Variants in COL20A1 observed in about 807,000 individuals in gnomAD.
COL20A1 encodes collagen type XX alpha 1 chain.
COL20A1 carries 164 observed loss-of-function variants against 152.9 expected under a neutral mutation model. The observed-to-expected ratio is 1.07, with a 90% CI of 0.94 to 1.22. COL20A1 has a LOEUF of 1.22. Among genes scored for constraint, COL20A1 ranks in the 50% most tolerant of loss-of-function variants. The probability of loss-of-function intolerance (pLI) is 0.00; values close to 1 mark genes in which losing one functional copy is unlikely to be tolerated. For synonymous variants in COL20A1, 864 were observed against 756.0 expected (o/e 1.14, Z -2.34); for missense variants, 1,873 against 1,744.8 (o/e 1.07, Z -1.31).
chr20:63,322,606 C>T (rs1253918068), intron 27 of COL20A1, among the ~76,000 whole-genome samples: 2 of 152,212 alleles, frequency 1.3e-5, no homozygotes, highest in East Asian at 1.9e-4. Context: ...TCTGGTTCTG[C>T]GGAGAGGGAT....
At chr20:63,297,223 C>G (rs1317829054) in intron 2 of COL20A1, among the ~76,000 whole-genome samples, 5 of 152,182 alleles carry the variant, frequency 3.3e-5, no homozygotes, top group Non-Finnish European at 7.4e-5. Context: ...GGCCACTTGT[C>G]CTGGGGACCC....
Position 63,328,457 on chromosome 20 carries a change from C to T in COL20A1, c.3740C>T (p.Pro1247Leu), listed in dbSNP as rs1414539320. 3 of 1,612,432 alleles carry T rather than the reference C, an allele frequency of 1.9e-6. No homozygotes were observed. The highest frequency in any genetic ancestry group is 2.5e-6 in the Non-Finnish European group (3 of 1,179,720). The change falls in exon 34 of 36, where the codon CCT (proline) becomes CTT (leucine). Residue 1247 changes from proline (P) to leucine (L), a missense_variant. Pro to Leu is a moderately conservative substitution (Grantham distance 98). Transcript: ENST00000358894. ...SPGTRSKALV[P>L]GEWGRGGRHL... Reference sequence around the variant, plus strand: ...GGCACCCGCAGCAAGGCCCTGGTTCCTGGAGAATGGGGGCGTGGTGGCCGC... The same window carrying T: ...GGCACCCGCAGCAAGGCCCTGGTTCTTGGAGAATGGGGGCGTGGTGGCCGC...
In COL20A1 at chr20:63,311,728, G is replaced by A. The variant is rs535669644; in HGVS notation, c.1643G>A (p.Arg548Gln). The A allele has an allele frequency of 4.2e-5, 67 of 1,596,140 alleles. 1 individual carries two copies. Among genetic ancestry groups the A allele is most frequent in the Non-Finnish European group, 4.8e-5 (57 of 1,175,544 alleles). ...SLRGPEGSEA[R>Q]GIRARTPTLA... ...CGAGGCCCTGAGGGCAGCGAGGCCC[G>A]GGGCATCCGTGCCAGGACCCGTGAG... The change falls in exon 13 of 36, where the codon CGG (arginine) becomes CAG (glutamine). Residue 548 changes from arginine to glutamine, a missense_variant. Arg to Gln is a conservative substitution (Grantham distance 43, BLOSUM62 1). Transcript: ENST00000358894. The surrounding 1 kb of genome is among the most constrained non-coding windows in gnomAD (Gnocchi z 4.4).
chr20:63,312,543 A>G lies in COL20A1; in HGVS notation c.1927A>G (p.Thr643Ala). ...CTCCTCTACGCTGACTGGCCGGGTG[A>G]CCACCAGTGAGTGGGGAGAGGCTGG... Reference protein sequence around the residue: ...GGSSTLTGRVTTKKAPSPSQL... With the variant: ...GGSSTLTGRVATKKAPSPSQL... The change falls in exon 15 of 36, where the codon ACC (threonine) becomes GCC (alanine). Residue 643 changes from threonine (T) to alanine (A), a missense_variant. Coordinates refer to ENST00000358894, the MANE Select transcript of COL20A1 (RefSeq NM_020882.4). The G allele has an allele frequency of 6.3e-7, 1 of 1,581,532 alleles. No individual in the cohort carries two copies. Among genetic ancestry groups the G allele is most frequent in the Non-Finnish European group, 8.6e-7 (1 of 1,167,682 alleles).
At position 63,319,393 on chromosome 20, in the gene COL20A1, G is replaced by T. The variant is rs2068127329; in HGVS notation, c.2807-94G>T. On this transcript the variant is annotated intron_variant, in intron 22 of 35. Coordinates refer to ENST00000358894, the MANE Select transcript of COL20A1 (RefSeq NM_020882.4). This position sits in a 1 kb window ranked among gnomAD's most constrained non-coding sequence, Gnocchi z 4.4. ...TCACCTCCAGCTTGGCACCCTCAGGGCTGCTCCTGTCCTGTCGTGGGGGCC... is the reference window on the plus strand; with the variant it reads ...TCACCTCCAGCTTGGCACCCTCAGGTCTGCTCCTGTCCTGTCGTGGGGGCC... 8.8e-7 allele frequency: 1 copy of T among 1,140,878 alleles called. No individual in the cohort carries two copies. The allele number at this position is 1,140,878 out of a possible 1,614,324, so 70.7% of individuals were successfully genotyped here.
At position 63,319,488 on chromosome 20, in the gene COL20A1, C is replaced by T. The variant is rs376469990; in HGVS notation, c.2808C>T (p.Ala936=). ...FQPLLGVLLD[A]GKKSLTYFHR... ...CCTGCTCCACCCCTTCCCTGGCAGC[C>T]GGGAAGAAGTCCCTGACCTACTTCC... The change falls in exon 23 of 36, where the codon GCC becomes GCT. Residue 936 remains alanine, a splice_region_variant and synonymous_variant. Transcript: ENST00000358894. This position sits in a 1 kb window ranked among gnomAD's most constrained non-coding sequence, Gnocchi z 4.4. The T allele has an allele frequency of 5.4e-5, 85 of 1,568,942 alleles. No homozygotes were observed. Among genetic ancestry groups the T allele is most frequent in the Middle Eastern group, 3.3e-4 (2 of 6,010 alleles).
At position 63,322,088 on chromosome 20, in the gene COL20A1, G is replaced by A. The variant is rs577023655; in HGVS notation, c.3271G>A (p.Glu1091Lys). 169 of 1,502,832 alleles carry A rather than the reference G, an allele frequency of 1.1e-4. 6 individuals carry two copies. The South Asian group carries it at 2.1e-3, about 19-fold the overall frequency. 93.1% of individuals were successfully genotyped at this position (1,502,832 alleles called of 1,614,324 possible). A position where few individuals can be genotyped will look rare whatever the true frequency, so the allele number is the denominator to read the frequency against. ...GLPGRNGTPG[E>K]QGFPGPRGPP... The stretch of plus-strand genomic sequence containing the variant: ...CCCTGGGAGGAATGGCACCCCAGGA[G>A]AGCAGGGCTTCCCAGGGCCCAGGGT... The change falls in exon 27 of 36, where the codon GAG (glutamate) becomes AAG (lysine). Residue 1091 changes from glutamate (E) to lysine (K), a missense_variant. Glu to Lys is a moderately conservative substitution (Grantham distance 56). Coordinates refer to ENST00000358894, the MANE Select transcript of COL20A1 (RefSeq NM_020882.4).
intron 29 of COL20A1, 102 bp from the exon 30 acceptor site, chr20:63,325,994 T>C (rs2068241180): frequency 9.3e-7 from 1 of 1,077,264 alleles, no homozygotes; most frequent in Non-Finnish European, 1.4e-6. Context: ...CCTTTGCTGC[T>C]TGGGTTACAG....
At chr20:63,309,199 TG>T in intron 8 of COL20A1, 133 bp from the exon 9 acceptor site, 1 of 619,016 alleles carries the variant, frequency 1.6e-6, no homozygotes. Context: ...GCCCAGCATG[TG>T]GGTGGCAGGT....
chr20:63,323,315 G>C (rs1466692016), intron 27 of COL20A1, among the ~76,000 whole-genome samples: 1 of 152,244 alleles, frequency 6.6e-6, no homozygotes, highest in Non-Finnish European at 1.5e-5. Context: ...TTTTGACCTT[G>C]TTTGCGACGT....
At chr20:63,298,908 C>T (rs1054188500) in intron 3 of COL20A1, among the ~76,000 whole-genome samples, 12 of 152,344 alleles carry the variant, frequency 7.9e-5, no homozygotes, top group African/African-American at 1.7e-4. Flanking sequence ...GGAAAACGAC[C>T]GTCCCGGGTG....
intron 31 of COL20A1, chr20:63,327,198 C>G: frequency 5.0e-6 from 1 of 201,510 alleles, no homozygotes; most frequent in South Asian, 1.1e-4. Flanking sequence ...GTTGACGGCC[C>G]GGGGACTTCC....
At position 63,325,681 on chromosome 20, in the gene COL20A1, A is replaced by G; in HGVS notation, c.3362A>G (p.His1121Arg). 6.2e-7 allele frequency: 1 copy of G among 1,611,160 alleles called. No individual in the cohort carries two copies. Among genetic ancestry groups the G allele is most frequent in the Non-Finnish European group, 8.5e-7 (1 of 1,179,424 alleles). Reference sequence around the variant, plus strand: ...GTTCTCTCCCAGGGCCACCCCGGCCACCAGGGCATCCCCGGGAGAGTTGGC... The same window carrying G: ...GTTCTCTCCCAGGGCCACCCCGGCCGCCAGGGCATCCCCGGGAGAGTTGGC... The part of the protein sequence containing the change: ...GLPGLQGHPG[H>R]QGIPGRVGLQ... The change falls in exon 29 of 36, where the codon CAC becomes CGC. Residue 1121 changes from histidine (H) to arginine (R), a missense_variant. Transcript: ENST00000358894.
intron 33 of COL20A1, 42 bp from the exon 34 acceptor site, chr20:63,328,289 C>G: frequency 6.3e-7 from 1 of 1,585,814 alleles, no homozygotes; most frequent in Non-Finnish European, 8.6e-7. Flanking sequence ...CTCGCATCCC[C>G]GGGTCCCCAC....
At chr20:63,297,402 G>A (rs2067810696) in intron 2 of COL20A1, among the ~76,000 whole-genome samples, 1 of 150,324 alleles carries the variant, frequency 6.7e-6, no homozygotes, top group Non-Finnish European at 1.5e-5. Context: ...AGGGGACTCA[G>A]CCCAGGGGCC....
rs765847513 is a variant in COL20A1 at position 63,319,415 on chromosome 20, G to A, written c.2807-72G>A. On this transcript the variant is annotated intron_variant, in intron 22 of 35. Transcript: ENST00000358894. The surrounding 1 kb of genome is among the most constrained non-coding windows in gnomAD (Gnocchi z 4.4). The stretch of plus-strand genomic sequence containing the variant: ...AGGGCTGCTCCTGTCCTGTCGTGGG[G>A]GCCGCCCTGCTCAAGGTATAGGCCC... 2.4e-6 allele frequency: 3 copies of A among 1,256,822 alleles called. No individual in the cohort carries two copies. Among genetic ancestry groups the A allele is most frequent in the Admixed American group, 2.1e-5 (1 of 48,236 alleles). 77.9% of individuals were successfully genotyped at this position (1,256,822 alleles called of 1,614,324 possible). A position where few individuals can be genotyped will look rare whatever the true frequency, so the allele number is the denominator to read the frequency against.
Position 63,319,657 on chromosome 20 carries a change from A to T in COL20A1, c.2916+61A>T, listed in dbSNP as rs1330505253. On this transcript the variant is annotated intron_variant, in intron 23 of 35. Coordinates refer to ENST00000358894, the MANE Select transcript of COL20A1 (RefSeq NM_020882.4). The surrounding 1 kb of genome is among the most constrained non-coding windows in gnomAD (Gnocchi z 4.4). ...CCCAGCTCTGGGGCAGCCCAGCCCC[A>T]CAGGGACCTGCCGGATGCCAACTCC... 1 of 1,219,596 alleles carries T rather than the reference A, an allele frequency of 8.2e-7. No homozygotes were observed. Among genetic ancestry groups the T allele is most frequent in the African/African-American group, 1.5e-5 (1 of 66,496 alleles). 75.5% of individuals were successfully genotyped at this position (1,219,596 alleles called of 1,614,324 possible).
chr20:63,319,471 A>AC lies in COL20A1; in HGVS notation c.2807-12dup, dbSNP rs1241634035. ...GTTGCAGCCCGTTCTCACCTGCTCC[A>AC]CCCCTTCCCTGGCAGCCGGGAAGAA... On this transcript the variant is annotated splice_polypyrimidine_tract_variant and intron_variant, in intron 22 of 35. Coordinates refer to ENST00000358894, the MANE Select transcript of COL20A1 (RefSeq NM_020882.4). This position sits in a 1 kb window ranked among gnomAD's most constrained non-coding sequence, Gnocchi z 4.4. The AC allele has an allele frequency of 6.5e-7, 1 of 1,549,872 alleles. No individual in the cohort carries two copies. Among genetic ancestry groups the AC allele is most frequent in the East Asian group, 2.4e-5 (1 of 41,348 alleles).
chr20:63,316,439 T>C, intron 20 of COL20A1, 114 bp from the exon 21 acceptor site: 6 of 132,316 alleles, frequency 4.5e-5, no homozygotes, highest in Middle Eastern at 9.0e-4. Flanking sequence ...CACCCCTCCC[T>C]CCCACCGCAC....
Sources: gnomAD v4.1 joint callset for allele counts (sites outside exome capture counted in the v4.1 genomes callset) on GRCh38, gnomAD v4.1.1 for gene constraint, Gnocchi (gnomAD v3.1) non-coding constraint, MANE v1.5 for transcripts, NCBI Gene and HGNC (gene_info 2026-07-23, HGNC 2026-07-21) for gene names.